Variants in SPNS1 observed in about 807,000 individuals in gnomAD.
SPNS1 encodes SPNS lysolipid transporter 1, lysophospholipid.
A neutral mutation model predicts 50.3 loss-of-function variants in SPNS1; 22 were observed. The ratio of observed to expected loss-of-function variants is 0.44; its 90% CI spans 0.31 to 0.62. The LOEUF is 0.62. Ranked by LOEUF, SPNS1 falls within the 20% of genes least tolerant of loss-of-function variation. The probability of loss-of-function intolerance (pLI) is 0.07; values close to 1 mark genes in which losing one functional copy is unlikely to be tolerated. For missense variants in SPNS1, 576 were observed against 728.6 expected, an observed-to-expected ratio of 0.79 and a Z score of 2.41; for synonymous variants, 295 against 317.4, an observed-to-expected ratio of 0.93 and a Z score of 0.75.
chr16:28,984,082 T>A (rs1965666243), intron 11 of SPNS1, 123 bp from the exon 12 acceptor site: 1 of 1,437,810 alleles, frequency 7.0e-7, no homozygotes, highest in Non-Finnish European at 9.3e-7. Context: ...CTCCAGTCTG[T>A]CTGCATCCAC....
rs1184479878 is a variant in SPNS1, at chr16:28,984,524, G to T, written c.*225G>T. On this transcript the variant is annotated 3_prime_UTR_variant, in exon 12 of 12. Transcript: ENST00000311008. Reference sequence around the variant, plus strand: ...CAAGGGCTCGGTGCTATTTGTAACGGAATAAAATTTGTAGCCAGACCCCAG... The same window carrying T: ...CAAGGGCTCGGTGCTATTTGTAACGTAATAAAATTTGTAGCCAGACCCCAG... 1.6e-6 allele frequency: 1 copy of T among 641,384 alleles called. No individual in the cohort carries two copies. Among genetic ancestry groups the T allele is most frequent in the Non-Finnish European group, 2.8e-6 (1 of 357,754 alleles). 39.7% of individuals were successfully genotyped at this position (641,384 alleles called of 1,614,324 possible). A position where few individuals can be genotyped will look rare whatever the true frequency, so the allele number is the denominator to read the frequency against.
chr16:28,981,864 C>T lies in SPNS1; in HGVS notation c.810-37C>T. 5 of 1,611,352 alleles carry T rather than the reference C, an allele frequency of 3.1e-6. No homozygotes were observed. Among genetic ancestry groups the T allele is most frequent in the East Asian group, 2.2e-5 (1 of 44,824 alleles). On this transcript the variant is annotated intron_variant, in intron 6 of 11. Transcript: ENST00000311008. This position sits in a 1 kb window ranked among gnomAD's most constrained non-coding sequence, Gnocchi z 4.2. ...AGGTCCCCTCCTGCCTCGACACCTC[C>T]GTGGGGTCTTACTCTCTCCCTCCCA...
Position 28,983,935 on chromosome 16 carries a change from G to A in SPNS1, c.1470G>A (p.Arg490=), listed in dbSNP as rs772109038. ...CCATCTTCATTGAGGCCGACCGCCG[G>A]CGGGCACAGCTGCACGTGCAGGGTC... ...GTAIFIEADR[R]RAQLHVQGLL... Residue 490 remains arginine (R), a synonymous_variant, in exon 11 of 12, where the codon CGG becomes CGA. Coordinates refer to ENST00000311008, the MANE Select transcript of SPNS1 (RefSeq NM_032038.3). The surrounding 1 kb of genome is among the most constrained non-coding windows in gnomAD (Gnocchi z 5.4). 1 of 1,592,404 alleles carries A rather than the reference G, an allele frequency of 6.3e-7. No homozygotes were observed. Among genetic ancestry groups the A allele is most frequent in the South Asian group, 1.1e-5 (1 of 90,238 alleles).
chr16:28,981,539 G>A lies in SPNS1; in HGVS notation c.733G>A (p.Ala245Thr). 1 of 1,614,122 alleles carries A rather than the reference G, an allele frequency of 6.2e-7. No individual in the cohort carries two copies. ...GGTAGTGCGGGAGCCGCCAAGGGGA[G>A]CCGTGGAGCGCCACTCAGATTTGCC... Reference protein sequence around the residue: ...FLVVREPPRGAVERHSDLPPL... With the variant: ...FLVVREPPRGTVERHSDLPPL... The change falls in exon 6 of 12, where the codon GCC becomes ACC. Residue 245 changes from alanine to threonine, a missense_variant. Physicochemically the swap from Ala to Thr is moderately conservative, Grantham distance 58. This residue lies in a region of SPNS1 where 428 missense variants were observed against 520.1 expected (regional missense o/e 0.82). Coordinates refer to ENST00000311008, the MANE Select transcript of SPNS1 (RefSeq NM_032038.3). This position sits in a 1 kb window ranked among gnomAD's most constrained non-coding sequence, Gnocchi z 4.2.
At position 28,981,407 on chromosome 16, in the gene SPNS1, C is replaced by T. The variant is rs774844983; in HGVS notation, c.664-63C>T. 2.5e-6 allele frequency: 4 copies of T among 1,601,142 alleles called. No homozygotes were observed. Among genetic ancestry groups the T allele is most frequent in the Non-Finnish European group, 1.7e-6 (2 of 1,170,990 alleles). ...TGGAGTTATCTGTACCCCACACTCT[C>T]CTCCAGCCCAGGGCTTGAGTGTGTC... is the stretch of plus-strand genomic sequence containing the variant. On this transcript the variant is annotated intron_variant, in intron 5 of 11. Coordinates refer to ENST00000311008, the MANE Select transcript of SPNS1 (RefSeq NM_032038.3). The surrounding 1 kb of genome is among the most constrained non-coding windows in gnomAD (Gnocchi z 4.2).
At chr16:28,979,501 C>A in intron 5 of SPNS1, 30 bp downstream of exon 5, 1 of 1,610,952 alleles carries the variant, frequency 6.2e-7, no homozygotes, top group South Asian at 1.1e-5. Flanking sequence ...GGGGGTAGGT[C>A]AGCGACGTTC....
intron 2 of SPNS1, among the ~76,000 whole-genome samples, chr16:28,977,271 C>T (rs927864601): frequency 3.4e-5 from 5 of 147,634 alleles, no homozygotes; most frequent in African/African-American, 7.6e-5. Context: ...GCTGAGATCG[C>T]GCCACAGCAC....
Position 28,979,279 on chromosome 16 carries a change from T to C in SPNS1, c.569T>C (p.Ile190Thr). Residue 190 changes from isoleucine to threonine, a missense_variant, in exon 4 of 12, where the codon ATC becomes ACC. This residue lies in a region of SPNS1 where 428 missense variants were observed against 520.1 expected (regional missense o/e 0.82). Coordinates refer to ENST00000311008, the MANE Select transcript of SPNS1 (RefSeq NM_032038.3). ...VADQRSRMLS[I>T]FYFAIPVGSG... ...GACCAGCGGAGCCGGATGCTCAGCA[T>C]CTTCTACTTTGCCATTCCGGTGGGC... 1 of 1,614,202 alleles carries C rather than the reference T, an allele frequency of 6.2e-7. No homozygotes were observed. The highest frequency in any genetic ancestry group is 8.5e-7 in the Non-Finnish European group (1 of 1,180,032).
At chr16:28,976,966 A>C (rs939161397) in intron 2 of SPNS1, among the ~76,000 whole-genome samples, 1 of 152,236 alleles carries the variant, frequency 6.6e-6, no homozygotes. Context: ...ATGAGGCAGC[A>C]ACAGCCAGTA....
chr16:28,979,296 C>T lies in SPNS1; in HGVS notation c.586C>T (p.Pro196Ser). The change falls in exon 4 of 12, where the codon CCG becomes TCG. Residue 196 changes from proline (P) to serine (S), a missense_variant. By Grantham distance (74) the Pro-to-Ser change is moderately conservative. Transcript: ENST00000311008. ...RMLSIFYFAI[P>S]VGSGLGYIAG... ...GCTCAGCATCTTCTACTTTGCCATT[C>T]CGGTGGGCAGGTGAGTGGGCCTGGG... 1 of 1,614,186 alleles carries T rather than the reference C, an allele frequency of 6.2e-7. No homozygotes were observed. The highest frequency in any genetic ancestry group is 8.5e-7 in the Non-Finnish European group (1 of 1,180,038).
chr16:28,984,278 C>G lies in SPNS1; in HGVS notation c.1566C>G (p.Pro522=), dbSNP rs376696716. The G allele has an allele frequency of 6.2e-7, 1 of 1,612,578 alleles. No homozygotes were observed. Among genetic ancestry groups the G allele is most frequent in the Admixed American group, 1.7e-5 (1 of 59,974 alleles). ...VPQRGRSTRV[P]VASVLI ...AGCGGGGCCGCTCCACCCGCGTGCCCGTGGCCAGTGTGCTCATCTGAGAGG... is the reference window on the plus strand; with the variant it reads ...AGCGGGGCCGCTCCACCCGCGTGCCGGTGGCCAGTGTGCTCATCTGAGAGG... Residue 522 remains proline, a synonymous_variant, in exon 12 of 12, where the codon CCC becomes CCG. Coordinates refer to ENST00000311008, the MANE Select transcript of SPNS1 (RefSeq NM_032038.3).
intron 2 of SPNS1, among the ~76,000 whole-genome samples, chr16:28,976,829 T>C (rs1965360831): frequency 6.6e-6 from 1 of 152,342 alleles, no homozygotes. Context: ...GCCGGATTTA[T>C]TCACTCTCTT....
chr16:28,978,713 C>G (rs1224446976), intron 3 of SPNS1: 1 of 171,408 alleles, frequency 5.8e-6, no homozygotes, highest in Non-Finnish European at 1.3e-5. Flanking sequence ...CACCCCAGAA[C>G]TCTGTCCTCA....
intron 5 of SPNS1, chr16:28,980,557 T>G (rs535091240): frequency 6.6e-6 from 1 of 151,636 alleles, no homozygotes; most frequent in East Asian, 2.0e-4. Flanking sequence ...TGTAAAACTG[T>G]AAGCCCCCTA....
At position 28,975,379 on chromosome 16, in the gene SPNS1, C is replaced by T. The variant is rs769035715; in HGVS notation, c.228C>T (p.Arg76=). 1.9e-6 allele frequency: 3 copies of T among 1,610,294 alleles called. No individual in the cohort carries two copies. Among genetic ancestry groups the T allele is most frequent in the South Asian group, 1.1e-5 (1 of 90,694 alleles). Residue 76 remains arginine (R), a synonymous_variant, in exon 1 of 12, where the codon CGC becomes CGT. Transcript: ENST00000311008. Reference sequence around the variant, plus strand: ...TCAATCTCCTGAACTACATGGACCGCTTCACCGTGGCTGGTAGGGACTCAC... The same window carrying T: ...TCAATCTCCTGAACTACATGGACCGTTTCACCGTGGCTGGTAGGGACTCAC... The part of the protein sequence containing the change: ...CYINLLNYMD[R]FTVAGVLPDI...
rs1334127016 is a variant in SPNS1 at position 28,983,785 on chromosome 16, G to A, written c.1321-1G>A. 1 of 1,583,512 alleles carries A rather than the reference G, an allele frequency of 6.3e-7. No homozygotes were observed. The highest frequency in any genetic ancestry group is 8.6e-7 in the Non-Finnish European group (1 of 1,166,220). ...GGCTTTCCTGTCTCCTCTCCCTGCAGATCTCTGACCGCCTGCGCCGGAACT... is the reference window on the plus strand; with the variant it reads ...GGCTTTCCTGTCTCCTCTCCCTGCAAATCTCTGACCGCCTGCGCCGGAACT... On this transcript the variant is annotated splice_acceptor_variant, in intron 10 of 11. Coordinates refer to ENST00000311008, the MANE Select transcript of SPNS1 (RefSeq NM_032038.3). LOFTEE classifies it high-confidence loss of function. This position sits in a 1 kb window ranked among gnomAD's most constrained non-coding sequence, Gnocchi z 5.4.
Position 28,981,830 on chromosome 16 carries a change from G to A in SPNS1, c.810-71G>A. 1 of 1,587,482 alleles carries A rather than the reference G, an allele frequency of 6.3e-7. No individual in the cohort carries two copies. ...GACCTTACTAAAATAAGCCAGGAAG[G>A]GAGAAGAGAGGTCCCCTCCTGCCTC... is the stretch of plus-strand genomic sequence containing the variant. On this transcript the variant is annotated intron_variant, in intron 6 of 11. Transcript: ENST00000311008. This position sits in a 1 kb window ranked among gnomAD's most constrained non-coding sequence, Gnocchi z 4.2.
In SPNS1 at chr16:28,983,884, G is replaced by C. The variant is rs753460582; in HGVS notation, c.1419G>C (p.Leu473=). ...SLMLCAFVGA[L]GGAAFLGTAI... is the part of the protein sequence containing the mutation. ...TGCTCTGCGCGTTTGTTGGGGCACT[G>C]GGCGGCGCAGCCTTCCTGGGCACCG... The change falls in exon 11 of 12, where the codon CTG becomes CTC. Residue 473 remains leucine, a synonymous_variant. Coordinates refer to ENST00000311008, the MANE Select transcript of SPNS1 (RefSeq NM_032038.3). The surrounding 1 kb of genome is among the most constrained non-coding windows in gnomAD (Gnocchi z 5.4). 12 of 1,602,080 alleles carry C rather than the reference G, an allele frequency of 7.5e-6. No homozygotes were observed. In the South Asian group the frequency reaches 1.2e-4, roughly 16 times the overall value.
Position 28,978,058 on chromosome 16 carries a change from C to G in SPNS1, c.444+14C>G, listed in dbSNP as rs201026483. 1 of 1,610,586 alleles carries G rather than the reference C, an allele frequency of 6.2e-7. No homozygotes were observed. Among genetic ancestry groups the G allele is most frequent in the Non-Finnish European group, 8.5e-7 (1 of 1,177,798 alleles). The stretch of plus-strand genomic sequence containing the variant: ...ATCCCCGGAGAGGTGAGGCCCCAAG[C>G]TGGCTCCTGTTTCTGCCCACACCCC... On this transcript the variant is annotated intron_variant, in intron 3 of 11. Coordinates refer to ENST00000311008, the MANE Select transcript of SPNS1 (RefSeq NM_032038.3).
Sources: gnomAD v4.1 joint callset for allele counts (sites outside exome capture counted in the v4.1 genomes callset) on GRCh38, gnomAD v4.1.1 for gene constraint, gnomAD v4.1.1 regional missense constraint, Gnocchi (gnomAD v3.1) non-coding constraint, MANE v1.5 for transcripts, NCBI Gene and HGNC (gene_info 2026-07-23, HGNC 2026-07-21) for gene names.